The following NFATC2 variants were observed in gnomAD, a reference collection of about 807,000 sequenced individuals.
NFATC2 encodes nuclear factor of activated T cells 2.
A neutral mutation model predicts 87.3 loss-of-function variants in NFATC2; 22 were observed. The ratio of observed to expected loss-of-function variants is 0.25; its 90% confidence interval spans 0.18 to 0.36. NFATC2 has a LOEUF of 0.36. Ranked by LOEUF, NFATC2 falls within the 10% of genes least tolerant of loss-of-function variation. NFATC2 has a pLI of 1.00. For missense variants in NFATC2, 1,149 were observed against 1,259.1 expected (o/e 0.91, Z 1.32); for synonymous variants, 565 against 542.2 (o/e 1.04, Z -0.58).
chr20:51,445,571 CTGTT>C (rs1444821569), intron 6 of NFATC2, among the ~76,000 whole-genome samples: 7 of 152,248 alleles, frequency 4.6e-5, no homozygotes, highest in African/African-American at 1.4e-4. Flanking sequence ...AAGAAATTCA[CTGTT>C]TGGGATTCAA....
chr20:51,452,980 G>C (rs3787203), intron 6 of NFATC2: 9 of 154,844 alleles, frequency 5.8e-5, no homozygotes, highest in African/African-American at 1.9e-4. Context: ...TGCCACCTGC[G>C]TTCTTAATGC....
Position 51,403,638 on chromosome 20 carries a change from C to A in NFATC2, c.2723-4908G>T, listed in dbSNP as rs527868697. On this transcript the variant is annotated intron_variant, in intron 9 of 10. Transcript: ENST00000371564. ...GGTGCAGTCATGAAGGTGGGGCCCT[C>A]GTGATGGAATTAGTGGCCTAAGAAG... 7.9e-5 allele frequency among the ~76,000 whole-genome samples: 12 copies of A among 152,172 alleles called. No homozygotes were observed. In the East Asian group the frequency reaches 2.3e-3, roughly 29 times the overall value.
chr20:51,485,484 T>C (rs370935574), intron 3 of NFATC2, among the ~76,000 whole-genome samples: 6 of 152,218 alleles, frequency 3.9e-5, no homozygotes, highest in East Asian at 1.9e-4. Flanking sequence ...GATTAAAATA[T>C]GCAAGCCTTC....
chr20:51,465,870 C>T (rs12625946), intron 5 of NFATC2, among the ~76,000 whole-genome samples: 16,154 of 151,970 alleles, frequency 0.11, 1,396 homozygotes, highest in African/African-American at 0.23. Flanking sequence ...TTCAGTGTTG[C>T]ATCCCTAGTG....
At chr20:51,548,046 C>A (rs1447960472) in intron 1 of NFATC2, among the ~76,000 whole-genome samples, 1 of 152,124 alleles carries the variant, frequency 6.6e-6, no homozygotes, top group Non-Finnish European at 1.5e-5. Context: ...AAATTAAATA[C>A]AAAGCCCTTG....
chr20:51,406,204 A>G (rs1365958205), intron 9 of NFATC2, among the ~76,000 whole-genome samples: 2 of 152,230 alleles, frequency 1.3e-5, no homozygotes, highest in African/African-American at 4.8e-5. Flanking sequence ...ATTATGTGGC[A>G]GAGCAGTGTG....
intron 3 of NFATC2, among the ~76,000 whole-genome samples, chr20:51,507,036 C>G (rs1308539866): frequency 6.6e-6 from 1 of 152,332 alleles, no homozygotes; most frequent in South Asian, 2.1e-4. Context: ...CATCCAGCCC[C>G]GGCTGGAGCG....
Position 51,390,086 on chromosome 20 carries a change from T to G in NFATC2, c.*1410A>C, listed in dbSNP as rs1986156523. Reference sequence around the variant, plus strand: ...AAAAATCACACCCACAGAGGAAGACTAGGGGAGACTGGGTGCGCTCAGTGG... The same window carrying G: ...AAAAATCACACCCACAGAGGAAGACGAGGGGAGACTGGGTGCGCTCAGTGG... On this transcript the variant is annotated 3_prime_UTR_variant, in exon 11 of 11. Transcript: ENST00000371564. The G allele has an allele frequency of 1.2e-5, 1 of 80,090 alleles. No individual in the cohort carries two copies. Among genetic ancestry groups the G allele is most frequent in the Admixed American group, 1.1e-4 (1 of 9,080 alleles). The allele number at this position is 80,090 out of a possible 1,614,324, so 5.0% of individuals were successfully genotyped here.
intron 6 of NFATC2, among the ~76,000 whole-genome samples, chr20:51,444,080 CAA>C (rs1167312824): frequency 6.6e-6 from 1 of 152,138 alleles, no homozygotes; most frequent in Non-Finnish European, 1.5e-5. Flanking sequence ...TTCCCAGGTT[CAA>C]GAGATTCTCC....
chr20:51,405,162 G>A (rs1167249167), intron 9 of NFATC2, among the ~76,000 whole-genome samples: 11 of 152,326 alleles, frequency 7.2e-5, no homozygotes, highest in African/African-American at 2.6e-4. Context: ...TCAGACGCCA[G>A]CCAAGCAACA....
intron 6 of NFATC2, among the ~76,000 whole-genome samples, chr20:51,438,572 G>A (rs963343631): frequency 1.3e-5 from 2 of 152,164 alleles, no homozygotes; most frequent in African/African-American, 2.4e-5. Context: ...CTGTCTTCCA[G>A]GCTCACACCA....
intron 1 of NFATC2, among the ~76,000 whole-genome samples, chr20:51,559,265 C>G (rs923831298): frequency 3.9e-5 from 6 of 152,206 alleles, no homozygotes; most frequent in African/African-American, 1.4e-4. Flanking sequence ...GAAGCCCTCG[C>G]TAAAGCACAA....
intron 9 of NFATC2, among the ~76,000 whole-genome samples, chr20:51,429,626 A>G (rs952527130): frequency 6.6e-6 from 1 of 152,214 alleles, no homozygotes; most frequent in African/African-American, 2.4e-5. Flanking sequence ...CACCACCTGG[A>G]GCGTGCGATG....
At chr20:51,448,086 C>T (rs1985296143) in intron 6 of NFATC2, among the ~76,000 whole-genome samples, 1 of 152,186 alleles carries the variant, frequency 6.6e-6, no homozygotes, top group African/African-American at 2.4e-5. Flanking sequence ...GCTGAGGATA[C>T]AGCAGCAAAC....
chr20:51,453,853 A>G (rs1986091412), intron 6 of NFATC2, among the ~76,000 whole-genome samples: 1 of 152,252 alleles, frequency 6.6e-6, no homozygotes, highest in Non-Finnish European at 1.5e-5. Context: ...ATTTAGCAAT[A>G]TGTATTTAAA....
intron 9 of NFATC2, among the ~76,000 whole-genome samples, chr20:51,400,692 C>G (rs1450844071): frequency 6.6e-6 from 1 of 152,184 alleles, no homozygotes. Context: ...AACTCGGGAC[C>G]AGGCCACCGC....
At chr20:51,458,681 G>T (rs926272864) in intron 5 of NFATC2, among the ~76,000 whole-genome samples, 1 of 151,818 alleles carries the variant, frequency 6.6e-6, no homozygotes, top group Non-Finnish European at 1.5e-5. Flanking sequence ...CGTGGTGGTG[G>T]CATGTGTCTG....
intron 2 of NFATC2, among the ~76,000 whole-genome samples, chr20:51,521,956 T>C (rs1297112678): frequency 1.3e-5 from 2 of 152,188 alleles, no homozygotes; most frequent in South Asian, 2.1e-4. Context: ...AAGCAAAATT[T>C]GAATTTTCCA....
chr20:51,428,498 G>T (rs1310156561), intron 9 of NFATC2, among the ~76,000 whole-genome samples: 6 of 152,200 alleles, frequency 3.9e-5, no homozygotes, highest in African/African-American at 1.4e-4. Flanking sequence ...GAACAAACGG[G>T]GCCAAGCCAG....
Sources: allele counts gnomAD v4.1 joint callset (sites outside exome capture counted in the v4.1 genomes callset), GRCh38; gene constraint gnomAD v4.1.1; transcripts MANE v1.5; gene names NCBI Gene and HGNC (gene_info 2026-07-23, HGNC 2026-07-21).